VAPA: variants seen among roughly 807,000 people sequenced by gnomAD.
The protein encoded by VAPA is vesicle-associated membrane protein-associated protein A.
VAPA carries 6 observed loss-of-function variants against 25.6 expected under a neutral mutation model. The ratio of observed to expected loss-of-function variants is 0.23; its 90% confidence interval spans 0.13 to 0.46. The LOEUF (loss-of-function observed/expected upper bound fraction) is 0.46. Ranked by LOEUF, VAPA falls within the 20% of genes least tolerant of loss-of-function variation. VAPA has a pLI of 0.99. For synonymous variants in VAPA, 112 were observed against 106.2 expected, an observed-to-expected ratio of 1.05 and a Z score of -0.34; for missense variants, 244 against 302.1, an observed-to-expected ratio of 0.81 and a Z score of 1.43.
chr18:9,928,768 G>A (rs1277042060), intron 1 of VAPA, among the ~76,000 whole-genome samples: 2 of 152,120 alleles, frequency 1.3e-5, no homozygotes, highest in African/African-American at 2.4e-5. Context: ...ATGTTTGGGC[G>A]TGACTACACT....
intron 1 of VAPA, among the ~76,000 whole-genome samples, chr18:9,929,795 C>T (rs1007686690): frequency 5.3e-5 from 8 of 152,162 alleles, no homozygotes; most frequent in Non-Finnish European, 1.2e-4. Flanking sequence ...CAGAAAATCT[C>T]AAATTCAGTA....
chr18:9,934,510 G>A (rs988075534), intron 2 of VAPA, among the ~76,000 whole-genome samples: 7 of 152,182 alleles, frequency 4.6e-5, no homozygotes, highest in African/African-American at 1.7e-4. Context: ...TTGGCCCCTT[G>A]AAAAAGTTGT....
chr18:9,934,834 C>T (rs1280150760), intron 2 of VAPA, among the ~76,000 whole-genome samples: 2 of 152,132 alleles, frequency 1.3e-5, no homozygotes, highest in African/African-American at 4.8e-5. Flanking sequence ...ATTGCTCACG[C>T]CTGTAATCCC....
chr18:9,945,912 C>G (rs1038567668), intron 4 of VAPA, among the ~76,000 whole-genome samples: 1 of 152,024 alleles, frequency 6.6e-6, no homozygotes, highest in South Asian at 2.1e-4. Flanking sequence ...TTAATTTTGC[C>G]TCTCTCGGTT....
At position 9,914,156 on chromosome 18, in the gene VAPA, C is replaced by A; in HGVS notation, c.-101C>A. On this transcript the variant is annotated 5_prime_UTR_variant, in exon 1 of 6. Transcript: ENST00000400000. ...TAGGGCTCGGGAGCCGCGAGCCTGG[C>A]CTCGTCCTAGAGCTCGGCCGAGCCG... 9.4e-7 allele frequency: 1 copy of A among 1,059,840 alleles called. No individual in the cohort carries two copies. Among genetic ancestry groups the A allele is most frequent in the South Asian group, 1.6e-5 (1 of 62,984 alleles). The allele number at this position is 1,059,840 out of a possible 1,614,324, so 65.7% of individuals were successfully genotyped here.
intron 1 of VAPA, among the ~76,000 whole-genome samples, chr18:9,930,099 A>G (rs1291948716): frequency 3.3e-5 from 5 of 152,266 alleles, no homozygotes; most frequent in South Asian, 4.1e-4. Context: ...AAATTATTTT[A>G]CCTTAGTTTG....
intron 2 of VAPA, among the ~76,000 whole-genome samples, chr18:9,935,417 T>TA (rs1451638543): frequency 6.6e-6 from 1 of 151,822 alleles, no homozygotes; most frequent in African/African-American, 2.4e-5. Flanking sequence ...TACAAAAAAA[T>TA]ACAAAAATTA....
chr18:9,933,667 A>G (rs184410410), intron 2 of VAPA, among the ~76,000 whole-genome samples: 1 of 152,278 alleles, frequency 6.6e-6, no homozygotes, highest in African/African-American at 2.4e-5. Flanking sequence ...CCACTTGAGT[A>G]GCTAGGATTA....
At position 9,950,441 on chromosome 18, in the gene VAPA, A is replaced by C. The variant is rs1457572006; in HGVS notation, c.464A>C (p.Gln155Pro). Reference protein sequence around the residue: ...SKAVPLNASKQDGPMPKPHSV... With the variant: ...SKAVPLNASKPDGPMPKPHSV... ...GCTGTTCCACTGAATGCATCTAAGCAAGATGGACCTATGCCAAAACCACAC... is the reference window on the plus strand; with the variant it reads ...GCTGTTCCACTGAATGCATCTAAGCCAGATGGACCTATGCCAAAACCACAC... Residue 155 changes from glutamine (Q) to proline (P), a missense_variant, in exon 5 of 6, where the codon CAA becomes CCA. Gln to Pro is a moderately conservative substitution (Grantham distance 76, BLOSUM62 -1). Transcript: ENST00000400000. 2.5e-6 allele frequency: 4 copies of C among 1,614,014 alleles called. No individual in the cohort carries two copies. The highest frequency in any genetic ancestry group is 2.5e-6 in the Non-Finnish European group (3 of 1,180,012).
At chr18:9,918,453 A>T (rs1480795313) in intron 1 of VAPA, among the ~76,000 whole-genome samples, 1 of 152,042 alleles carries the variant, frequency 6.6e-6, no homozygotes, top group African/African-American at 2.4e-5. Context: ...CTTATTGCTA[A>T]CTTAATCATT....
At chr18:9,944,052 A>G (rs140597033) in intron 4 of VAPA, among the ~76,000 whole-genome samples, 3,804 of 151,572 alleles carry the variant, frequency 0.025, 58 homozygotes, top group Middle Eastern at 0.071. Context: ...TAGTAGAGAC[A>G]GGGTTTCACC....
chr18:9,937,101 TTGAGCTCTCA>T, intron 4 of VAPA, 35 bp downstream of exon 4: 1 of 1,555,262 alleles, frequency 6.4e-7, no homozygotes, highest in Non-Finnish European at 8.9e-7. Flanking sequence ...TTGGGAGCTG[TTGAGCTCTCA>T]GTTCCTTTGA....
intron 3 of VAPA, 135 bp from the exon 4 acceptor site, chr18:9,936,851 G>A (rs2069316235): frequency 1.6e-6 from 1 of 621,188 alleles, no homozygotes; most frequent in Non-Finnish European, 2.9e-6. Context: ...ATGGCAGGGT[G>A]ATCAATAAAG....
intron 1 of VAPA, among the ~76,000 whole-genome samples, chr18:9,923,074 T>C (rs753799822): frequency 7.9e-5 from 12 of 152,246 alleles, no homozygotes; most frequent in Non-Finnish European, 1.6e-4. Flanking sequence ...CTTCAATGCT[T>C]ATAAAAGAAA....
intron 3 of VAPA, chr18:9,936,459 C>T (rs1342618767): frequency 3.7e-6 from 1 of 271,012 alleles, no homozygotes; most frequent in South Asian, 1.1e-4. Context: ...ACCTGTAATC[C>T]CAGCCCTTTG....
intron 1 of VAPA, chr18:9,924,047 C>T (rs966771151): frequency 2.0e-5 from 3 of 152,260 alleles, no homozygotes; most frequent in African/African-American, 7.3e-5. Context: ...AAAATAACCT[C>T]TGTTAACATT....
chr18:9,948,498 TTAAAAA>T (rs2069450621), intron 4 of VAPA: 1 of 152,238 alleles, frequency 6.6e-6, no homozygotes, highest in African/African-American at 2.4e-5. Flanking sequence ...TGTAAAGAAT[TTAAAAA>T]TAATCAGTTG....
chr18:9,939,433 G>T (rs925210615), intron 4 of VAPA, among the ~76,000 whole-genome samples: 1 of 151,848 alleles, frequency 6.6e-6, no homozygotes, highest in African/African-American at 2.4e-5. Flanking sequence ...GGGATTACAG[G>T]TGTGAGCCAC....
chr18:9,916,745 TTAAC>T (rs974560920), intron 1 of VAPA, among the ~76,000 whole-genome samples: 1 of 152,228 alleles, frequency 6.6e-6, no homozygotes, highest in African/African-American at 2.4e-5. Context: ...AAAAAATCAT[TTAAC>T]TGACTTACCC....
Sources: allele counts gnomAD v4.1 joint callset (sites outside exome capture counted in the v4.1 genomes callset), GRCh38; gene constraint gnomAD v4.1.1; transcripts MANE v1.5; gene names NCBI Gene and HGNC (gene_info 2026-07-23, HGNC 2026-07-21).